CACNA1C: variants seen among roughly 807,000 people sequenced by gnomAD.
CACNA1C encodes voltage-dependent L-type calcium channel subunit alpha-1C.
A neutral mutation model predicts 229.0 loss-of-function variants in CACNA1C; 30 were observed. The observed-to-expected ratio is 0.13, with a 90% confidence interval of 0.10 to 0.18. CACNA1C has a LOEUF of 0.18. Ranked by LOEUF, CACNA1C falls within the 10% of genes least tolerant of loss-of-function variation. CACNA1C has a pLI of 1.00. For missense variants in CACNA1C, 1,658 were observed against 2,845.0 expected (o/e 0.58, Z 9.49); for synonymous variants, 1,114 against 1,132.5 (o/e 0.98, Z 0.33).
At chr12:2,582,421 A>G (rs1032957361) in intron 14 of CACNA1C, among the ~76,000 whole-genome samples, 2 of 152,214 alleles carry the variant, frequency 1.3e-5, no homozygotes, top group African/African-American at 4.8e-5. Context: ...GATGTTGTCA[A>G]AGTCTTGAAG....
At chr12:2,258,030 A>C (rs1204006058) in intron 3 of CACNA1C, among the ~76,000 whole-genome samples, 2 of 152,256 alleles carry the variant, frequency 1.3e-5, no homozygotes, top group African/African-American at 2.4e-5. Flanking sequence ...TTTGAGAACC[A>C]AGCCAAAGGA....
intron 3 of CACNA1C, among the ~76,000 whole-genome samples, chr12:2,258,073 A>G (rs1025430590): frequency 2.4e-4 from 36 of 152,240 alleles, no homozygotes; most frequent in Non-Finnish European, 5.1e-4. Context: ...TCTTTGTACT[A>G]CATCTCATCA....
rs2094971974 is a variant in CACNA1C at position 2,651,528 on chromosome 12, C to T, written c.3946-112C>T. Reference sequence around the variant, plus strand: ...AGGGGGAAGTCTAGTGCAGCAAACCCTGGCCTGCCTTCCGCCACTGCCACT... The same window carrying T: ...AGGGGGAAGTCTAGTGCAGCAAACCTTGGCCTGCCTTCCGCCACTGCCACT... On this transcript the variant is annotated intron_variant, in intron 31 of 46. Coordinates refer to ENST00000399655, the MANE Select transcript of CACNA1C (RefSeq NM_000719.7). The surrounding 1 kb of genome is among the most constrained non-coding windows in gnomAD (Gnocchi z 5.4). 6.5e-7 allele frequency: 1 copy of T among 1,542,390 alleles called. No homozygotes were observed.
At chr12:2,202,226 C>T (rs977213834) in intron 3 of CACNA1C, among the ~76,000 whole-genome samples, 1 of 152,182 alleles carries the variant, frequency 6.6e-6, no homozygotes, top group African/African-American at 2.4e-5. Flanking sequence ...TTTGTCTTTC[C>T]ACACAGGGAC....
intron 3 of CACNA1C, among the ~76,000 whole-genome samples, chr12:2,412,466 C>A (rs566863035): frequency 9.2e-5 from 14 of 152,212 alleles, no homozygotes; most frequent in African/African-American, 3.4e-4. Flanking sequence ...ATAAGAGATG[C>A]ATAAGCTCCA....
At chr12:2,492,809 A>G (rs118034665) in intron 6 of CACNA1C, among the ~76,000 whole-genome samples, 3 of 152,358 alleles carry the variant, frequency 2.0e-5, no homozygotes, top group Non-Finnish European at 2.9e-5. Flanking sequence ...ATGGACTTCT[A>G]ATCGCTTTCT....
In CACNA1C at chr12:2,588,009, C is replaced by T. The variant is rs1403739317; in HGVS notation, c.2530+2105C>T. 1.2e-4 allele frequency among the ~76,000 whole-genome samples: 19 copies of T among 152,206 alleles called. No individual in the cohort carries two copies. In the East Asian group the frequency reaches 3.7e-3, roughly 29 times the overall value. On this transcript the variant is annotated intron_variant, in intron 18 of 46. Transcript: ENST00000399655. Reference sequence around the variant, plus strand: ...AAAGCTGGTGGCCCCACACATCACTCTGCCCCCAAAGGCTAAGTTAGCTTG... The same window carrying T: ...AAAGCTGGTGGCCCCACACATCACTTTGCCCCCAAAGGCTAAGTTAGCTTG...
At chr12:2,609,105 G>C (rs1332600667) in intron 27 of CACNA1C, among the ~76,000 whole-genome samples, 1 of 152,180 alleles carries the variant, frequency 6.6e-6, no homozygotes, top group Non-Finnish European at 1.5e-5. Context: ...GAACAGAACG[G>C]CTTCAGGAAA....
chr12:2,497,995 A>ACACACACACACACACAC (rs2099750559), intron 7 of CACNA1C, among the ~76,000 whole-genome samples: 1 of 151,896 alleles, frequency 6.6e-6, no homozygotes, highest in Non-Finnish European at 1.5e-5. Context: ...ACACACACAC[A>ACACACACACACACACAC]CACACACAAC....
In CACNA1C at chr12:2,493,480, G is replaced by A. The variant is rs947807936; in HGVS notation, c.1113+94G>A. ...CTTTCTCCTCCTCCCCATGGTCTTG[G>A]GGTCACATACGCATCTTGATGGAAT... is the stretch of plus-strand genomic sequence containing the variant. On this transcript the variant is annotated intron_variant, in intron 7 of 46. Coordinates refer to ENST00000399655, the MANE Select transcript of CACNA1C (RefSeq NM_000719.7). The surrounding 1 kb of genome is among the most constrained non-coding windows in gnomAD (Gnocchi z 4.6). 5 of 918,756 alleles carry A rather than the reference G, an allele frequency of 5.4e-6. No homozygotes were observed. The South Asian group carries it at 7.3e-5, about 13-fold the overall frequency. The allele number at this position is 918,756 out of a possible 1,614,324, so 56.9% of individuals were successfully genotyped here. A position where few individuals can be genotyped will look rare whatever the true frequency, so the allele number is the denominator to read the frequency against.
At chr12:2,262,792 G>A (rs2080831313) in intron 3 of CACNA1C, among the ~76,000 whole-genome samples, 1 of 152,154 alleles carries the variant, frequency 6.6e-6, no homozygotes, top group South Asian at 2.1e-4. Flanking sequence ...AGTGCTCCTT[G>A]CCCCTGCTTT....
intron 3 of CACNA1C, among the ~76,000 whole-genome samples, chr12:2,219,763 A>AGT (rs2060958701): frequency 6.6e-6 from 1 of 152,172 alleles, no homozygotes; most frequent in Admixed American, 6.5e-5. Flanking sequence ...ACGAACACTG[A>AGT]GTGCACCCTT....
At chr12:2,544,019 C>T (rs921390820) in intron 9 of CACNA1C, among the ~76,000 whole-genome samples, 1 of 152,114 alleles carries the variant, frequency 6.6e-6, no homozygotes, top group African/African-American at 2.4e-5. Flanking sequence ...GAAAGAAAGA[C>T]CATTCATTAT....
At chr12:2,667,667 G>C (rs1302152252) in intron 37 of CACNA1C, among the ~76,000 whole-genome samples, 1 of 152,210 alleles carries the variant, frequency 6.6e-6, no homozygotes, top group African/African-American at 2.4e-5. Context: ...GCAGCCTGGA[G>C]GGGGCTAAAG....
chr12:2,180,733 G>C (rs3922315), intron 3 of CACNA1C, among the ~76,000 whole-genome samples: 13,864 of 152,166 alleles, frequency 0.091, 1,824 homozygotes, highest in African/African-American at 0.29. Flanking sequence ...GAATCAGCTG[G>C]GGACCTAGAG....
chr12:2,551,121 T>C (rs1321570240), intron 10 of CACNA1C, among the ~76,000 whole-genome samples: 1 of 152,180 alleles, frequency 6.6e-6, no homozygotes, highest in Non-Finnish European at 1.5e-5. Flanking sequence ...GAAAGGCCTA[T>C]AGGAAGGCTT....
chr12:2,315,110 G>A (rs1056086344), intron 3 of CACNA1C, among the ~76,000 whole-genome samples: 3 of 152,058 alleles, frequency 2.0e-5, no homozygotes, highest in Non-Finnish European at 2.9e-5. Context: ...AAAAGGACAC[G>A]TCCTCCTCTC....
chr12:2,634,446 T>C, intron 30 of CACNA1C, 66 bp downstream of exon 30: 1 of 696,442 alleles, frequency 1.4e-6, no homozygotes, highest in Non-Finnish European at 2.3e-6. Context: ...CTTTTCCCGG[T>C]TTGTTTCCTT....
rs1321030039 is a variant in CACNA1C, at chr12:2,678,701, C to T, written c.5092-743C>T. Among the ~76,000 whole-genome samples, 2 of 152,194 alleles carry T rather than the reference C, an allele frequency of 1.3e-5. No individual in the cohort carries two copies. The highest frequency in any genetic ancestry group is 3.9e-4 in the East Asian group (2 of 5,184). On this transcript the variant is annotated intron_variant, in intron 41 of 46. Transcript: ENST00000399655. The surrounding 1 kb of genome is among the most constrained non-coding windows in gnomAD (Gnocchi z 4.1). ...CTTATTCTTGTCACTGGGAGACATT[C>T]GTCACTGAGTGGCCTCAGGGACATG...
Sources: gnomAD v4.1 joint callset for allele counts (sites outside exome capture counted in the v4.1 genomes callset) on GRCh38, gnomAD v4.1.1 for gene constraint, Gnocchi (gnomAD v3.1) non-coding constraint, MANE v1.5 for transcripts, NCBI Gene and HGNC (gene_info 2026-07-23, HGNC 2026-07-21) for gene names.